The following C2CD3 variants were observed in gnomAD, a reference collection of about 807,000 sequenced individuals.
C2CD3 encodes the protein C2 domain-containing protein 3.
A neutral mutation model predicts 234.0 loss-of-function variants in C2CD3; 148 were observed. The ratio of observed to expected loss-of-function variants is 0.63; its 90% CI spans 0.55 to 0.72. The LOEUF is 0.72. Among genes scored for constraint, C2CD3 ranks in the 30% least tolerant of loss-of-function variants. The pLI, the probability that C2CD3 is intolerant of heterozygous loss-of-function variation, is 0.00. For synonymous variants in C2CD3, 1,000 were observed against 1,035.4 expected, an observed-to-expected ratio of 0.97 and a Z score of 0.66; for missense variants, 2,577 against 2,811.5, an observed-to-expected ratio of 0.92 and a Z score of 1.89.
At chr11:74,119,867 C>A (rs1318372088) in intron 8 of C2CD3, among the ~76,000 whole-genome samples, 1 of 152,048 alleles carries the variant, frequency 6.6e-6, no homozygotes, top group Non-Finnish European at 1.5e-5. Context: ...AACTCCTGAC[C>A]TTAAGTGATC....
At chr11:74,144,580 T>G (rs890609519) in intron 3 of C2CD3, among the ~76,000 whole-genome samples, 1 of 152,226 alleles carries the variant, frequency 6.6e-6, no homozygotes, top group Non-Finnish European at 1.5e-5. Context: ...ACAGGTTTTT[T>G]GTTCTGAACC....
chr11:74,036,616 GTGAGGGC>G (rs147823605), intron 30 of C2CD3: 188 of 424,208 alleles, frequency 4.4e-4, no homozygotes, highest in African/African-American at 3.5e-3. Context: ...GCAAAAACAA[GTGAGGGC>G]TGAAGATGCT....
chr11:74,093,357 ATAT>A (rs1264962508), intron 18 of C2CD3, among the ~76,000 whole-genome samples: 12 of 147,960 alleles, frequency 8.1e-5, no homozygotes, highest in Non-Finnish European at 1.3e-4. Flanking sequence ...TATATAAATT[ATAT>A]TATTAAATTA....
At chr11:74,059,319 G>A (rs182079347) in intron 24 of C2CD3, among the ~76,000 whole-genome samples, 2,254 of 148,856 alleles carry the variant, frequency 0.015, 60 homozygotes, top group African/African-American at 0.054. Context: ...GCTGAGGCAG[G>A]AGAATGGCGT....
intron 24 of C2CD3, among the ~76,000 whole-genome samples, chr11:74,070,272 A>G (rs1212584721): frequency 6.6e-6 from 1 of 152,244 alleles, no homozygotes; most frequent in African/African-American, 2.4e-5. Context: ...AACCAGGACT[A>G]CAGTGGTGAC....
chr11:74,098,920 A>G (rs987391554), intron 15 of C2CD3, among the ~76,000 whole-genome samples: 5 of 152,138 alleles, frequency 3.3e-5, no homozygotes, highest in African/African-American at 7.2e-5. Context: ...CTGTTTTGTC[A>G]TTTTTAAAAC....
At chr11:74,077,926 C>T (rs1591405812) in intron 23 of C2CD3, among the ~76,000 whole-genome samples, 189 bp downstream of exon 23, 1 of 148,568 alleles carries the variant, frequency 6.7e-6, no homozygotes, top group African/African-American at 2.5e-5. Context: ...ACTTACTAGT[C>T]TGTGACCCTG....
At chr11:74,041,458 T>C (rs1417426041) in intron 29 of C2CD3, among the ~76,000 whole-genome samples, 1 of 152,110 alleles carries the variant, frequency 6.6e-6, no homozygotes, top group Non-Finnish European at 1.5e-5. Flanking sequence ...CTGTCTACTC[T>C]TGGCCAGGGA....
intron 24 of C2CD3, among the ~76,000 whole-genome samples, chr11:74,068,869 G>A (rs1334225131): frequency 6.6e-6 from 1 of 152,104 alleles, no homozygotes; most frequent in Non-Finnish European, 1.5e-5. Context: ...GCAGAGGCAC[G>A]ATCTCGGCTC....
At chr11:74,063,804 A>G (rs1269296164) in intron 24 of C2CD3, among the ~76,000 whole-genome samples, 1 of 152,130 alleles carries the variant, frequency 6.6e-6, no homozygotes, top group Non-Finnish European at 1.5e-5. Flanking sequence ...GAAATATTCA[A>G]TTATGAAAAG....
At position 74,033,570 on chromosome 11, in the gene C2CD3, G is replaced by A. The variant is rs2135412756; in HGVS notation, c.6590C>T (p.Thr2197Ile). The A allele has an allele frequency of 9.1e-6, 14 of 1,536,174 alleles. No homozygotes were observed. The highest frequency in any genetic ancestry group is 1.2e-5 in the Non-Finnish European group (14 of 1,146,906). ...STFVGWSSPQ[T>I]DQNKEPKSEA... ...TGACTTGGGCTCCTTGTTCTGATCTGTCTGTGGTGAGCTCCATCCAACAAA... is the reference window on the plus strand; with the variant it reads ...TGACTTGGGCTCCTTGTTCTGATCTATCTGTGGTGAGCTCCATCCAACAAA... The change falls in exon 31 of 33, where the codon ACA becomes ATA. Residue 2197 changes from threonine (T) to isoleucine (I), a missense_variant. Thr to Ile is a moderately conservative substitution (Grantham distance 89). Coordinates refer to ENST00000334126, the MANE Select transcript of C2CD3 (RefSeq NM_001286577.2).
At chr11:74,100,001 G>A (rs1956254965) in intron 15 of C2CD3, among the ~76,000 whole-genome samples, 1 of 152,198 alleles carries the variant, frequency 6.6e-6, no homozygotes, top group African/African-American at 2.4e-5. Flanking sequence ...AAGTGAGGTG[G>A]AGCAATCAAA....
chr11:74,130,421 T>C (rs936986771), intron 7 of C2CD3, among the ~76,000 whole-genome samples: 1 of 149,012 alleles, frequency 6.7e-6, no homozygotes, highest in African/African-American at 2.6e-5. Context: ...TTTGTAGAGA[T>C]GGGGGTTTCA....
intron 8 of C2CD3, among the ~76,000 whole-genome samples, chr11:74,121,861 G>A (rs1957230145): frequency 6.6e-6 from 1 of 152,140 alleles, no homozygotes; most frequent in African/African-American, 2.4e-5. Context: ...AATCCTAACA[G>A]TTCCTAATGT....
At chr11:74,067,081 A>G (rs369679950) in intron 24 of C2CD3, among the ~76,000 whole-genome samples, 1 of 152,236 alleles carries the variant, frequency 6.6e-6, no homozygotes, top group South Asian at 2.1e-4. Flanking sequence ...TGGTTAAAAA[A>G]TTGACATGCT....
intron 11 of C2CD3, among the ~76,000 whole-genome samples, chr11:74,111,753 TA>T (rs1956754250): frequency 6.6e-6 from 1 of 152,058 alleles, no homozygotes; most frequent in East Asian, 1.9e-4. Context: ...CACAAATTTG[TA>T]AACTTTCTTA....
At chr11:74,120,900 G>C (rs894989649) in intron 8 of C2CD3, among the ~76,000 whole-genome samples, 2 of 151,936 alleles carry the variant, frequency 1.3e-5, no homozygotes, top group Non-Finnish European at 2.9e-5. Context: ...GCTCATGCCT[G>C]TAATTTCAAC....
chr11:74,084,869 C>T lies in C2CD3; in HGVS notation c.4000+12G>A, dbSNP rs1955569938. On this transcript the variant is annotated intron_variant, in intron 22 of 32. Transcript: ENST00000334126. Reference sequence around the variant, plus strand: ...AGGGTGGCATCAGAAAGTGATAATCCAGGATCCTTACCAGATCTCTTGATC... The same window carrying T: ...AGGGTGGCATCAGAAAGTGATAATCTAGGATCCTTACCAGATCTCTTGATC... The T allele has an allele frequency of 1.3e-6, 2 of 1,541,754 alleles. No individual in the cohort carries two copies. Among genetic ancestry groups the T allele is most frequent in the Non-Finnish European group, 1.8e-6 (2 of 1,114,572 alleles).
chr11:74,042,350 G>T, intron 28 of C2CD3, 132 bp from the exon 29 acceptor site: 1 of 897,456 alleles, frequency 1.1e-6, no homozygotes, highest in Non-Finnish European at 1.7e-6. Context: ...CACAGTTCTG[G>T]CCTTATCATC....
Sources: gnomAD v4.1 joint callset for allele counts (sites outside exome capture counted in the v4.1 genomes callset) on GRCh38, gnomAD v4.1.1 for gene constraint, MANE v1.5 for transcripts, NCBI Gene and HGNC (gene_info 2026-07-23, HGNC 2026-07-21) for gene names.